The following PARP15 variants were observed in gnomAD, a reference collection of about 807,000 sequenced individuals.
PARP15 encodes the protein poly(ADP-ribose) polymerase family member 15, also known as protein mono-ADP-ribosyltransferase PARP15.
Under a neutral mutation model 62.1 loss-of-function variants are expected in PARP15, and 50 were observed. The observed-to-expected ratio is 0.81, with a 90% CI of 0.64 to 1.02. The LOEUF (loss-of-function observed/expected upper bound fraction) is 1.02, where lower values mean the gene tolerates loss of function less well. Ranked by LOEUF, PARP15 falls within the 50% of genes least tolerant of loss-of-function variation. The pLI is 0.00. For missense variants in PARP15, 820 were observed against 826.5 expected (o/e 0.99, Z 0.10); for synonymous variants, 309 against 293.1 (o/e 1.05, Z -0.55).
rs1106345 is a variant in PARP15, at chr3:122,635,205, A to G, written c.1747+11A>G. On this transcript the variant is annotated intron_variant, in intron 11 of 11. Transcript: ENST00000464300. ...GTGCTGGGAAAAATGGTAAGGAAGC[A>G]AGTAATTTGGCTGATCAGAATAAGG... The G allele has an allele frequency of 0.15, 246,207 of 1,610,002 alleles. 22,880 individuals are homozygous for G. Among genetic ancestry groups the G allele is most frequent in the East Asian group, 0.49 (22,093 of 44,766 alleles).
At chr3:122,590,307 C>G (rs1434277198) in intron 1 of PARP15, among the ~76,000 whole-genome samples, 3 of 152,050 alleles carry the variant, frequency 2.0e-5, no homozygotes, top group Admixed American at 1.3e-4. Context: ...GGGTCTCGCT[C>G]TGTTGCCCAG....
intron 1 of PARP15, among the ~76,000 whole-genome samples, chr3:122,592,509 A>T (rs1194249608): frequency 1.3e-5 from 2 of 152,100 alleles, no homozygotes; most frequent in Non-Finnish European, 2.9e-5. Context: ...TACTGAGGTG[A>T]TGGGTATTTA....
rs1935477218 is a variant in PARP15 at position 122,610,428 on chromosome 3, A to C, written c.307-66A>C. 3.6e-5 allele frequency: 50 copies of C among 1,380,432 alleles called. 1 individual carries two copies. In the South Asian group the frequency reaches 6.9e-4, roughly 19 times the overall value. 85.5% of individuals were successfully genotyped at this position (1,380,432 alleles called of 1,614,324 possible). ...GTACATTACCCCACAATACTTAGTAAATTTACAGTTGCTCCATCATTATGT... is the reference window on the plus strand; with the variant it reads ...GTACATTACCCCACAATACTTAGTACATTTACAGTTGCTCCATCATTATGT... On this transcript the variant is annotated intron_variant, in intron 2 of 11. Coordinates refer to ENST00000464300, the MANE Select transcript of PARP15 (RefSeq NM_001113523.3).
chr3:122,577,741 G>C lies in PARP15; in HGVS notation c.74G>C (p.Gly25Ala). 6.4e-7 allele frequency: 1 copy of C among 1,551,732 alleles called. No individual in the cohort carries two copies. Among genetic ancestry groups the C allele is most frequent in the Non-Finnish European group, 8.7e-7 (1 of 1,146,990 alleles). ...CCGACCCCCAGAGAACTTATGCACG[G>C]AGTTGCAGGTGTTACTTCCAGAGCC... ...GAPTPRELMHGVAGVTSRAGR... is the reference protein window; with the variant it reads ...GAPTPRELMHAVAGVTSRAGR... The change falls in exon 1 of 12, where the codon GGA becomes GCA. Residue 25 changes from glycine to alanine, a missense_variant. Transcript: ENST00000464300.
chr3:122,625,799 C>T (rs72962327), intron 8 of PARP15, among the ~76,000 whole-genome samples: 401 of 152,292 alleles, frequency 2.6e-3, no homozygotes, highest in African/African-American at 9.2e-3. Context: ...CCGTCCATGG[C>T]TTTTTGTACC....
rs1280268506 is a variant in PARP15 at position 122,628,774 on chromosome 3, A to G, written c.1438+1741A>G. Among the ~76,000 whole-genome samples, 4 of 152,334 alleles carry G rather than the reference A, an allele frequency of 2.6e-5. No homozygotes were observed. In the East Asian group the frequency reaches 7.7e-4, roughly 29 times the overall value. ...GCACCCGAGGCAAAAACAAACCACA[A>G]TACAACTGCATTACGTCATCTTTGT... On this transcript the variant is annotated intron_variant, in intron 9 of 11. Coordinates refer to ENST00000464300, the MANE Select transcript of PARP15 (RefSeq NM_001113523.3).
chr3:122,594,587 G>A (rs1934192220), intron 1 of PARP15: 3 of 968,972 alleles, frequency 3.1e-6, no homozygotes, highest in African/African-American at 1.8e-5. Context: ...TATAGGGTAG[G>A]GGAGGTTGAA....
In PARP15 at chr3:122,613,226, AGTCCACTTTCTGGTATATACAAAT is replaced by A; in HGVS notation, c.731_754del (p.Val244_Asn251del). The A allele has an allele frequency of 6.4e-7, 1 of 1,551,538 alleles. No individual in the cohort carries two copies. Among genetic ancestry groups the A allele is most frequent in the South Asian group, 1.2e-5 (1 of 84,052 alleles). ...GGCCGATAACTAGCCCTTTACAAGA[AGTCCACTTTCTGGTATATACAAAT>A]GACGATGAAGGCTGTCAGGTATGGT... On this transcript the variant is annotated inframe_deletion, in exon 4 of 12. Coordinates refer to ENST00000464300, the MANE Select transcript of PARP15 (RefSeq NM_001113523.3).
At chr3:122,591,995 AT>A (rs1933964553) in intron 1 of PARP15, among the ~76,000 whole-genome samples, 1 of 152,180 alleles carries the variant, frequency 6.6e-6, no homozygotes. Flanking sequence ...GTTGGTGGGA[AT>A]GTAAATTAGT....
intron 1 of PARP15, among the ~76,000 whole-genome samples, chr3:122,588,945 A>G (rs1933660399): frequency 6.6e-6 from 1 of 152,188 alleles, no homozygotes. Context: ...ATTCCATTGT[A>G]TGAATATATC....
chr3:122,583,475 T>G (rs1933136060), intron 1 of PARP15, among the ~76,000 whole-genome samples: 4 of 152,192 alleles, frequency 2.6e-5, no homozygotes, highest in Admixed American at 2.6e-4. Flanking sequence ...CTCTTCATTA[T>G]GCATTATATA....
At chr3:122,589,923 G>A (rs890826013) in intron 1 of PARP15, among the ~76,000 whole-genome samples, 7 of 128,758 alleles carry the variant, frequency 5.4e-5, no homozygotes, top group African/African-American at 1.8e-4. Context: ...ACAGAGTCTC[G>A]CTCTGTCCCT....
intron 1 of PARP15, among the ~76,000 whole-genome samples, chr3:122,600,799 T>TG (rs1934728401): frequency 6.6e-6 from 1 of 151,954 alleles, no homozygotes; most frequent in Non-Finnish European, 1.5e-5. Context: ...TACCTTTTTT[T>TG]TTTTTAAGGA....
intron 2 of PARP15, among the ~76,000 whole-genome samples, chr3:122,609,374 A>G (rs976525583): frequency 6.6e-6 from 1 of 152,156 alleles, no homozygotes; most frequent in African/African-American, 2.4e-5. Context: ...TTAATTTACA[A>G]TGAAGAAGAG....
At chr3:122,621,780 G>C (rs7644100) in intron 8 of PARP15, among the ~76,000 whole-genome samples, 169 bp downstream of exon 8, 23,851 of 152,034 alleles carry the variant, frequency 0.16, 2,444 homozygotes, top group African/African-American at 0.3. Flanking sequence ...CTACTGGGCC[G>C]AAGCCTCTTT....
At chr3:122,605,869 C>T (rs1935127913) in intron 1 of PARP15, 67 bp from the exon 2 acceptor site, 1 of 1,507,798 alleles carries the variant, frequency 6.6e-7, no homozygotes, top group Admixed American at 2.1e-5. Flanking sequence ...ACCTGAGCCA[C>T]CGCACCTGGC....
Position 122,617,179 on chromosome 3 carries a change from C to G in PARP15, c.1000+15C>G. 6.2e-7 allele frequency: 1 copy of G among 1,603,074 alleles called. No individual in the cohort carries two copies. The highest frequency in any genetic ancestry group is 8.5e-7 in the Non-Finnish European group (1 of 1,171,650). ...TCGGAAATCAGGTACTTTATTTAAG[C>G]AATATATTGTAATTATTAGTATGAC... On this transcript the variant is annotated intron_variant, in intron 6 of 11. Transcript: ENST00000464300.
At chr3:122,615,937 T>C in intron 5 of PARP15, 80 bp downstream of exon 5, 2 of 1,348,808 alleles carry the variant, frequency 1.5e-6, no homozygotes, top group Non-Finnish European at 2.1e-6. Flanking sequence ...CCAGTAGAAG[T>C]AGGCAAAGCT....
chr3:122,581,415 T>G (rs1303867054), intron 1 of PARP15, among the ~76,000 whole-genome samples: 1 of 152,210 alleles, frequency 6.6e-6, no homozygotes, highest in Non-Finnish European at 1.5e-5. Flanking sequence ...TTCCTTTCCT[T>G]TCCTTTTCTT....
Sources: gnomAD v4.1 joint callset for allele counts (sites outside exome capture counted in the v4.1 genomes callset) on GRCh38, gnomAD v4.1.1 for gene constraint, MANE v1.5 for transcripts, NCBI Gene and HGNC (gene_info 2026-07-23, HGNC 2026-07-21) for gene names.